CCBE1: variants seen among roughly 807,000 people sequenced by gnomAD.
The protein encoded by CCBE1 is collagen and calcium binding EGF domains 1, also known as collagen and calcium-binding EGF domain-containing protein 1.
In CCBE1, 37 loss-of-function variants were observed where a neutral mutation model predicts 50.0. That is an observed-to-expected ratio of 0.74 (90% confidence interval 0.57 to 0.97). The LOEUF is 0.97. Ranked by LOEUF, CCBE1 falls within the 50% of genes least tolerant of loss-of-function variation. The probability of loss-of-function intolerance (pLI) is 0.00; values close to 1 mark genes in which losing one functional copy is unlikely to be tolerated. For missense variants in CCBE1, 538 were observed against 523.8 expected (o/e 1.03, Z -0.26); for synonymous variants, 234 against 203.7 (o/e 1.15, Z -1.27).
chr18:59,697,315 C>T lies in CCBE1; in HGVS notation c.28G>A (p.Gly10Arg), dbSNP rs1430482037. 1 of 1,548,792 alleles carries T rather than the reference C, an allele frequency of 6.5e-7. No homozygotes were observed. Among genetic ancestry groups the T allele is most frequent in the East Asian group, 2.4e-5 (1 of 40,946 alleles). The part of the protein sequence containing the change: MVPPPPSRG[G>R]AARGQLGRSL... ...CTGCCCAGCTGGCCCCTGGCAGCTC[C>T]TCCCCGGCTCGGAGGCGGCGGCACC... Residue 10 changes from glycine (G) to arginine (R), a missense_variant, in exon 1 of 11, where the codon GGA becomes AGA. Coordinates refer to ENST00000439986, the MANE Select transcript of CCBE1 (RefSeq NM_133459.4).
At chr18:59,587,476 G>T (rs151328880) in intron 2 of CCBE1, among the ~76,000 whole-genome samples, 50 of 152,202 alleles carry the variant, frequency 3.3e-4, no homozygotes, top group African/African-American at 1.2e-3. Context: ...GAATAGAAGA[G>T]ATTTATTTTA....
chr18:59,619,931 G>C (rs1401921052), intron 2 of CCBE1, among the ~76,000 whole-genome samples: 2 of 152,148 alleles, frequency 1.3e-5, no homozygotes, highest in Admixed American at 1.3e-4. Flanking sequence ...TCCAACACAA[G>C]CCAGACAAGC....
chr18:59,682,668 A>T (rs11152170), intron 2 of CCBE1, among the ~76,000 whole-genome samples: 1 of 152,028 alleles, frequency 6.6e-6, no homozygotes, highest in Non-Finnish European at 1.5e-5. Flanking sequence ...TAACTGAAAA[A>T]AAGCAATTGT....
chr18:59,584,811 C>G (rs1337877294), intron 2 of CCBE1, among the ~76,000 whole-genome samples: 3 of 152,182 alleles, frequency 2.0e-5, no homozygotes, highest in Non-Finnish European at 4.4e-5. Flanking sequence ...CCAATTAAAC[C>G]TCTTTTCTTT....
In CCBE1 at chr18:59,452,298, A is replaced by G. The variant is rs1307880919; in HGVS notation, c.654+2553T>C. ...ATTAGCAGCAGCAAGACGACATTAAAAAACAACTGACAGGCCAGGCACAGT... is the reference window on the plus strand; with the variant it reads ...ATTAGCAGCAGCAAGACGACATTAAGAAACAACTGACAGGCCAGGCACAGT... On this transcript the variant is annotated intron_variant, in intron 6 of 10. Coordinates refer to ENST00000439986, the MANE Select transcript of CCBE1 (RefSeq NM_133459.4). 2.0e-5 allele frequency among the ~76,000 whole-genome samples: 3 copies of G among 152,290 alleles called. No homozygotes were observed. The South Asian group carries it at 6.2e-4, about 32-fold the overall frequency.
intron 5 of CCBE1, among the ~76,000 whole-genome samples, chr18:59,461,368 G>C (rs528830897): frequency 5.1e-4 from 75 of 146,460 alleles, no homozygotes; most frequent in African/African-American, 1.8e-3. Context: ...CCAATCTCTT[G>C]AATCATGACT....
rs576166223 is a variant in CCBE1, at chr18:59,643,068, G to A, written c.212+53561C>T. Among the ~76,000 whole-genome samples the A allele has an allele frequency of 5.3e-5, 8 of 152,176 alleles. No homozygotes were observed. In the South Asian group the frequency reaches 1.5e-3, roughly 28 times the overall value. ...TTTAAAAATTAAGCAGTTCACCACT[G>A]GATGGCTGAGTGGATGGTACCAGTC... On this transcript the variant is annotated intron_variant, in intron 2 of 10. Coordinates refer to ENST00000439986, the MANE Select transcript of CCBE1 (RefSeq NM_133459.4).
chr18:59,680,102 T>C (rs530907666), intron 2 of CCBE1, among the ~76,000 whole-genome samples: 1 of 151,924 alleles, frequency 6.6e-6, no homozygotes, highest in South Asian at 2.1e-4. Context: ...ATGCCTGTAA[T>C]CCCAGCTACT....
intron 2 of CCBE1, among the ~76,000 whole-genome samples, chr18:59,683,085 C>T (rs182965220): frequency 6.6e-6 from 1 of 152,260 alleles, no homozygotes; most frequent in East Asian, 1.9e-4. Flanking sequence ...CATATACTTT[C>T]CTAGAAGAAT....
intron 2 of CCBE1, among the ~76,000 whole-genome samples, chr18:59,577,105 G>A (rs1029515913): frequency 1.3e-5 from 2 of 152,264 alleles, no homozygotes; most frequent in African/African-American, 4.8e-5. Context: ...AGACGCAGAA[G>A]TGTTTGCGGT....
intron 2 of CCBE1, among the ~76,000 whole-genome samples, chr18:59,649,861 T>G (rs946902440): frequency 2.0e-5 from 3 of 152,190 alleles, no homozygotes; most frequent in Non-Finnish European, 1.5e-5. Flanking sequence ...CAAGAGTCAC[T>G]AGGCTGGGGC....
At chr18:59,680,988 C>T (rs974365585) in intron 2 of CCBE1, among the ~76,000 whole-genome samples, 1 of 150,346 alleles carries the variant, frequency 6.7e-6, no homozygotes, top group Non-Finnish European at 1.5e-5. Flanking sequence ...ATACAAAAAC[C>T]TGATAATTAT....
intron 5 of CCBE1, among the ~76,000 whole-genome samples, chr18:59,456,682 G>C (rs1459375667): frequency 6.6e-6 from 1 of 152,214 alleles, no homozygotes; most frequent in Non-Finnish European, 1.5e-5. Context: ...CTAGGAAACA[G>C]ACACTTGAAT....
chr18:59,601,721 T>C (rs1372922154), intron 2 of CCBE1, among the ~76,000 whole-genome samples: 1 of 152,220 alleles, frequency 6.6e-6, no homozygotes, highest in Non-Finnish European at 1.5e-5. Flanking sequence ...TTGCTTTTAT[T>C]ATCATCTAAC....
chr18:59,485,584 ATATTTATTTATTTATTTATT>A (rs60888501), intron 2 of CCBE1, among the ~76,000 whole-genome samples: 2 of 140,856 alleles, frequency 1.4e-5, no homozygotes, highest in African/African-American at 2.6e-5. Flanking sequence ...GATATATCAG[ATATTTATTTATTTATTTATT>A]TATTTATTTA....
chr18:59,476,712 C>T lies in CCBE1; in HGVS notation c.265+3474G>A, dbSNP rs367949819. 4.2e-4 allele frequency among the ~76,000 whole-genome samples: 64 copies of T among 152,306 alleles called. No individual in the cohort carries two copies. The South Asian group carries it at 8.3e-3, about 20-fold the overall frequency. On this transcript the variant is annotated intron_variant, in intron 3 of 10. Coordinates refer to ENST00000439986, the MANE Select transcript of CCBE1 (RefSeq NM_133459.4). ...ACTATAGCTTCCACTCATTAGTTAACGTATTTCTTTAGACATTCTAGTTTC... is the reference window on the plus strand; with the variant it reads ...ACTATAGCTTCCACTCATTAGTTAATGTATTTCTTTAGACATTCTAGTTTC...
intron 2 of CCBE1, among the ~76,000 whole-genome samples, chr18:59,595,935 T>C (rs1440009917): frequency 6.6e-6 from 1 of 152,252 alleles, no homozygotes; most frequent in Non-Finnish European, 1.5e-5. Context: ...GGGTGAATGA[T>C]GATGTGCAGA....
At chr18:59,489,526 G>A (rs916066443) in intron 2 of CCBE1, among the ~76,000 whole-genome samples, 1 of 152,100 alleles carries the variant, frequency 6.6e-6, no homozygotes, top group Non-Finnish European at 1.5e-5. Context: ...TGATTCTCCT[G>A]CCTCAGTCTC....
At chr18:59,655,074 T>G (rs7228418) in intron 2 of CCBE1, among the ~76,000 whole-genome samples, 1 of 138,960 alleles carries the variant, frequency 7.2e-6, no homozygotes, top group East Asian at 2.2e-4. Context: ...GCGACACCAC[T>G]GAGACTATGT....
Sources: gnomAD v4.1 joint callset for allele counts (sites outside exome capture counted in the v4.1 genomes callset) on GRCh38, gnomAD v4.1.1 for gene constraint, MANE v1.5 for transcripts, NCBI Gene and HGNC (gene_info 2026-07-23, HGNC 2026-07-21) for gene names.